The following THAP5 variants were observed in gnomAD, a reference collection of about 807,000 sequenced individuals.
The protein encoded by THAP5 is THAP domain containing 5.
A neutral mutation model predicts 34.0 loss-of-function variants in THAP5; 26 were observed. That is an observed-to-expected ratio of 0.77 (90% CI 0.56 to 1.06). The LOEUF (loss-of-function observed/expected upper bound fraction) is 1.06, where lower values mean the gene tolerates loss of function less well. Ranked by LOEUF, THAP5 falls within the 50% of genes least tolerant of loss-of-function variation. THAP5 has a pLI of 0.00. For missense variants in THAP5, 394 were observed against 452.8 expected (o/e 0.87, Z 1.18); for synonymous variants, 125 against 153.0 (o/e 0.82, Z 1.35).
At chr7:108,569,353 G>T (rs1268901689) in intron 1 of THAP5, 137 bp downstream of exon 1, 1 of 1,498,782 alleles carries the variant, frequency 6.7e-7, no homozygotes, top group African/African-American at 1.4e-5. Context: ...CCTTCCCTCC[G>T]TCTTGCCGCG....
chr7:108,568,231 G>T (rs1790528185), intron 1 of THAP5: 1 of 152,246 alleles, frequency 6.6e-6, no homozygotes, highest in Non-Finnish European at 1.5e-5. Flanking sequence ...TTGAGACGGA[G>T]TTTCGCTCTT....
chr7:108,560,199 G>A (rs1253859590), downstream of THAP5, among the ~76,000 whole-genome samples: 1 of 152,184 alleles, frequency 6.6e-6, no homozygotes, highest in Non-Finnish European at 1.5e-5. Context: ...CAAGCTCAAG[G>A]CAAGGCATGA....
At chr7:108,566,752 G>A (rs1213001330) in intron 1 of THAP5, among the ~76,000 whole-genome samples, 1 of 152,144 alleles carries the variant, frequency 6.6e-6, no homozygotes, top group Non-Finnish European at 1.5e-5. Context: ...CAAATGGCAA[G>A]ACAGCGCTGT....
At position 108,569,597 on chromosome 7, in the gene THAP5, G is replaced by A; in HGVS notation, c.-28C>T. The A allele has an allele frequency of 1.3e-6, 2 of 1,549,934 alleles. No individual in the cohort carries two copies. Among genetic ancestry groups the A allele is most frequent in the Non-Finnish European group, 1.7e-6 (2 of 1,147,000 alleles). On this transcript the variant is annotated 5_prime_UTR_variant, in exon 1 of 3. Transcript: ENST00000415914. The stretch of plus-strand genomic sequence containing the variant: ...CTCGGGTGAGGCCCCTGGAGACCGG[G>A]GCCGGCGACGGATGCAGGGCGGCCC...
downstream of THAP5, among the ~76,000 whole-genome samples, chr7:108,554,097 A>G (rs755717197): frequency 2.0e-5 from 3 of 152,198 alleles, no homozygotes; most frequent in Non-Finnish European, 4.4e-5. Flanking sequence ...CTGCCATAGA[A>G]TGAGGCAGCA....
chr7:108,567,619 G>A (rs767281590), intron 1 of THAP5, among the ~76,000 whole-genome samples: 9 of 151,964 alleles, frequency 5.9e-5, no homozygotes, highest in Admixed American at 1.3e-4. Flanking sequence ...TTGTTTCATT[G>A]TCTTATGTAA....
chr7:108,546,131 G>A, the THAP5 span, among the ~76,000 whole-genome samples: 1 of 152,140 alleles, frequency 6.6e-6, no homozygotes, highest in Non-Finnish European at 1.5e-5. Context: ...TTATTAAATA[G>A]TAAATAGATC....
intron 2 of THAP5, 170 bp downstream of exon 2, chr7:108,565,660 G>A (rs1790470578): frequency 2.0e-6 from 1 of 499,122 alleles, no homozygotes; most frequent in Non-Finnish European, 3.4e-6. Context: ...TGCTTCATGA[G>A]TTTAATTTTT....
chr7:108,548,080 TAAC>T, the THAP5 span, among the ~76,000 whole-genome samples: 2 of 152,234 alleles, frequency 1.3e-5, no homozygotes, highest in Non-Finnish European at 2.9e-5. Context: ...GTACTGGTTA[TAAC>T]ATGCCAGGAG....
At chr7:108,569,086 C>A in intron 1 of THAP5, 1 of 1,038,108 alleles carries the variant, frequency 9.6e-7, no homozygotes, top group Non-Finnish European at 1.2e-6. Context: ...GAAATTATAC[C>A]TATGCGACCT....
At chr7:108,544,080 C>A in the THAP5 span, among the ~76,000 whole-genome samples, 2 of 152,086 alleles carry the variant, frequency 1.3e-5, no homozygotes, top group Non-Finnish European at 2.9e-5. Context: ...TCTGAATAAT[C>A]TTTTTTCTAT....
chr7:108,557,278 T>C (rs946640778), downstream of THAP5, among the ~76,000 whole-genome samples: 1 of 152,252 alleles, frequency 6.6e-6, no homozygotes, highest in Non-Finnish European at 1.5e-5. Context: ...TGCAGCCTTT[T>C]ATTCCTCCCC....
chr7:108,569,054 T>A (rs768572165), intron 1 of THAP5: 122 of 992,576 alleles, frequency 1.2e-4, no homozygotes, highest in Non-Finnish European at 1.4e-4. Flanking sequence ...GGGCCTCAGT[T>A]TCCTCAGGAG....
At chr7:108,560,560 T>C (rs1864419519), downstream of THAP5, among the ~76,000 whole-genome samples, 1 of 152,190 alleles carries the variant, frequency 6.6e-6, no homozygotes, top group South Asian at 2.1e-4. Flanking sequence ...ACTGAGCTAA[T>C]TAACAGAGGA....
In THAP5 at chr7:108,562,311, G is replaced by C. The variant is rs1864443833; in HGVS notation, c.*1880C>G. The stretch of plus-strand genomic sequence containing the variant: ...TTAAGTATTTGCAAAATGCAACATA[G>C]GAATACTTAATAACACTGTAATAAC... On this transcript the variant is annotated 3_prime_UTR_variant, in exon 3 of 3. Coordinates refer to ENST00000415914, the MANE Select transcript of THAP5 (RefSeq NM_001130475.3). 6.6e-6 allele frequency: 1 copy of C among 152,036 alleles called. No individual in the cohort carries two copies. Among genetic ancestry groups the C allele is most frequent in the Non-Finnish European group, 1.5e-5 (1 of 68,004 alleles). The allele number at this position is 152,036 out of a possible 1,614,324, so 9.4% of individuals were successfully genotyped here.
At chr7:108,561,635 C>A (rs551335764), downstream of THAP5, among the ~76,000 whole-genome samples, 1 of 151,894 alleles carries the variant, frequency 6.6e-6, no homozygotes, top group South Asian at 2.1e-4. Context: ...CTTGGGCAAG[C>A]GGGAAGGAGA....
intron 1 of THAP5, among the ~76,000 whole-genome samples, chr7:108,566,399 T>G (rs1393852191): frequency 6.6e-6 from 1 of 152,236 alleles, no homozygotes; most frequent in Non-Finnish European, 1.5e-5. Context: ...TTGTATAAAT[T>G]ATAAATTCCT....
At chr7:108,561,216 G>C (rs1864427035), downstream of THAP5, among the ~76,000 whole-genome samples, 1 of 151,878 alleles carries the variant, frequency 6.6e-6, no homozygotes, top group South Asian at 2.1e-4. Flanking sequence ...TTAGGCATGT[G>C]CCATGGTAGT....
chr7:108,565,401 C>T (rs1790464254), intron 2 of THAP5: 3 of 210,922 alleles, frequency 1.4e-5, no homozygotes, highest in African/African-American at 6.9e-5. Context: ...ACCCCCATCC[C>T]TACTAAAAAT....
Sources: gnomAD v4.1 joint callset for allele counts (sites outside exome capture counted in the v4.1 genomes callset) on GRCh38, gnomAD v4.1.1 for gene constraint, MANE v1.5 for transcripts, NCBI Gene and HGNC (gene_info 2026-07-23, HGNC 2026-07-21) for gene names.